The following CFAP47 variants were observed in gnomAD, a reference collection of about 807,000 sequenced individuals.
The protein encoded by CFAP47 is cilia- and flagella-associated protein 47.
In CFAP47, 29 loss-of-function variants were observed where a neutral mutation model predicts 148.1. The ratio of observed to expected loss-of-function variants is 0.20; its 90% CI spans 0.15 to 0.27. CFAP47 has a LOEUF of 0.27. Among genes scored for constraint, CFAP47 ranks in the 10% least tolerant of loss-of-function variants. The pLI, the probability that CFAP47 is intolerant of heterozygous loss-of-function variation, is 1.00. For synonymous variants in CFAP47, 664 were observed against 577.3 expected (o/e 1.15, Z -2.15); for missense variants, 1,872 against 1,697.5 (o/e 1.10, Z -1.81).
At chrX:36,207,679 G>A (rs981837639) in intron 45 of CFAP47, among the ~76,000 whole-genome samples, 5 of 110,958 alleles carry the variant, frequency 4.5e-5, no homozygotes, top group Admixed American at 2.9e-4. Flanking sequence ...GGCCCCTCCC[G>A]CAAATTGTGA....
intron 26 of CFAP47, among the ~76,000 whole-genome samples, chrX:36,047,514 G>A (rs1366438202): frequency 8.9e-6 from 1 of 111,895 alleles, no homozygotes; most frequent in Non-Finnish European, 1.9e-5. Flanking sequence ...TTACTTTAAC[G>A]GGGTGAGGAG....
intron 53 of CFAP47, among the ~76,000 whole-genome samples, chrX:36,301,624 A>C (rs1376316554): frequency 9.0e-6 from 1 of 110,900 alleles, no homozygotes; most frequent in Non-Finnish European, 1.9e-5. Context: ...GCTAATTCCC[A>C]GGAGAAGCTG....
At chrX:36,014,974 A>C (rs1937080665) in intron 22 of CFAP47, 62 bp downstream of exon 22, 1 of 279,569 alleles carries the variant, frequency 3.6e-6, no homozygotes, top group South Asian at 2.3e-4. Flanking sequence ...TAAGTGTCTA[A>C]AAGATAAAAA....
intron 6 of CFAP47, among the ~76,000 whole-genome samples, 158 bp from the exon 7 acceptor site, chrX:35,953,434 C>T (rs1177156951): frequency 8.9e-6 from 1 of 112,074 alleles, no homozygotes; most frequent in Non-Finnish European, 1.9e-5. Flanking sequence ...ATCTCTCTGG[C>T]TGTGCAGTAA....
chrX:35,943,237 A>G (rs1362062554), intron 3 of CFAP47, among the ~76,000 whole-genome samples: 2 of 112,047 alleles, frequency 1.8e-5, no homozygotes, highest in African/African-American at 6.5e-5. Flanking sequence ...TGATTTTAAT[A>G]ACATTTTTAA....
chrX:35,966,449 T>C (rs909218541), intron 8 of CFAP47, 116 bp from the exon 9 acceptor site: 1 of 364,419 alleles, frequency 2.7e-6, no homozygotes, highest in Non-Finnish European at 4.3e-6. Context: ...TACTTTCATA[T>C]TACCATTATG....
chrX:36,154,377 G>A (rs751876121), intron 37 of CFAP47, among the ~76,000 whole-genome samples: 32 of 111,779 alleles, frequency 2.9e-4, no homozygotes, highest in African/African-American at 9.7e-4. Flanking sequence ...TTTTAACACG[G>A]GTTTTCTTCC....
intron 26 of CFAP47, among the ~76,000 whole-genome samples, chrX:36,049,874 A>T (rs1937510629): frequency 9.0e-6 from 1 of 111,283 alleles, no homozygotes; most frequent in African/African-American, 3.3e-5. Context: ...GGAGGGACCC[A>T]GTAGGAGGTA....
intron 46 of CFAP47, among the ~76,000 whole-genome samples, chrX:36,232,167 G>A (rs1254900298): frequency 4.5e-5 from 5 of 111,323 alleles, no homozygotes; most frequent in Admixed American, 9.5e-5. Context: ...TCTATTGATT[G>A]GAATAGTTTT....
chrX:36,261,321 T>TTTTTTTTTG (rs1940817778), intron 49 of CFAP47, among the ~76,000 whole-genome samples: 1 of 59,360 alleles, frequency 1.7e-5, no homozygotes, highest in African/African-American at 1.3e-4. Flanking sequence ...GATACTATTC[T>TTTTTTTTTG]TTTTTTTTTT....
intron 10 of CFAP47, among the ~76,000 whole-genome samples, chrX:35,969,689 G>A (rs147981348): frequency 0.017 from 1,856 of 111,072 alleles, 45 homozygotes; most frequent in African/African-American, 0.058. Flanking sequence ...TTATTTCTAG[G>A]TTCTAAAGGT....
At chrX:36,175,718 A>C (rs1371566437) in intron 39 of CFAP47, among the ~76,000 whole-genome samples, 1 of 112,298 alleles carries the variant, frequency 8.9e-6, no homozygotes, top group Non-Finnish European at 1.9e-5. Context: ...TCAGACAGGG[A>C]CATTTAAGTC....
intron 1 of CFAP47, 83 bp from the exon 2 acceptor site, chrX:35,925,934 C>T (rs1372722500): frequency 9.8e-6 from 8 of 819,296 alleles, no homozygotes; most frequent in African/African-American, 8.5e-5. Context: ...GGATTACAGG[C>T]GTGAGCCATT....
intron 33 of CFAP47, among the ~76,000 whole-genome samples, chrX:36,116,069 A>T (rs544200827): frequency 8.9e-6 from 1 of 111,986 alleles, no homozygotes; most frequent in African/African-American, 3.2e-5. Flanking sequence ...AGTTAAATTT[A>T]ATTTTATTTT....
chrX:36,228,592 G>T (rs1279558349), intron 45 of CFAP47, 36 bp from the exon 46 acceptor site: 4 of 509,621 alleles, frequency 7.8e-6, no homozygotes, highest in African/African-American at 7.1e-5. Context: ...GGTTTTATAT[G>T]ATTTTAAATG....
chrX:35,969,967 G>T (rs757877183), intron 10 of CFAP47, among the ~76,000 whole-genome samples: 7 of 110,348 alleles, frequency 6.3e-5, no homozygotes, highest in Non-Finnish European at 1.3e-4. Flanking sequence ...CAACGTGCAG[G>T]TTTGTTACAT....
intron 39 of CFAP47, among the ~76,000 whole-genome samples, chrX:36,178,521 C>T (rs1602031072): frequency 9.0e-6 from 1 of 110,906 alleles, no homozygotes; most frequent in African/African-American, 3.3e-5. Context: ...TAATTTATTA[C>T]TAGCCTAGTT....
chrX:36,078,134 A>G (rs1937901019), intron 29 of CFAP47, among the ~76,000 whole-genome samples: 1 of 112,198 alleles, frequency 8.9e-6, no homozygotes, highest in Non-Finnish European at 1.9e-5. Context: ...TATGTGGTCA[A>G]TTTTGGAATA....
intron 57 of CFAP47, among the ~76,000 whole-genome samples, chrX:36,339,721 G>A (rs782290131): frequency 1.8e-5 from 2 of 111,744 alleles, no homozygotes; most frequent in South Asian, 7.5e-4. Flanking sequence ...GAGCCACAGT[G>A]TTCACAGTAA....
Sources: gnomAD v4.1 joint callset for allele counts (sites outside exome capture counted in the v4.1 genomes callset) on GRCh38, gnomAD v4.1.1 for gene constraint, MANE v1.5 for transcripts, NCBI Gene and HGNC (gene_info 2026-07-23, HGNC 2026-07-21) for gene names.